Variants in SRRM3 observed in about 807,000 individuals in gnomAD.
SRRM3 encodes serine/arginine repetitive matrix protein 3.
Under a neutral mutation model 66.2 loss-of-function variants are expected in SRRM3, and 27 were observed. The observed-to-expected ratio is 0.41, with a 90% CI of 0.30 to 0.56. The LOEUF (loss-of-function observed/expected upper bound fraction) is 0.56, where lower values mean the gene tolerates loss of function less well. Among genes scored for constraint, SRRM3 ranks in the 20% least tolerant of loss-of-function variants. The pLI is 0.32. For synonymous variants in SRRM3, 391 were observed against 414.9 expected (o/e 0.94, Z 0.70); for missense variants, 918 against 991.9 (o/e 0.93, Z 1.00).
chr7:76,259,969 C>G lies in SRRM3; in HGVS notation c.399C>G (p.Asp133Glu), dbSNP rs1801811566. The change falls in exon 4 of 15, where the codon GAC becomes GAG. Residue 133 changes from aspartate (D) to glutamate (E), a missense_variant. Coordinates refer to ENST00000611745, the MANE Select transcript of SRRM3 (RefSeq NM_001110199.3). ...CGGGCCTGGAGTACGCGCCCTTTGACGATGACGACGGCCCAGTGGACTGTG... is the reference window on the plus strand; with the variant it reads ...CGGGCCTGGAGTACGCGCCCTTTGAGGATGACGACGGCCCAGTGGACTGTG... ...AEPGLEYAPF[D>E]DDDGPVDCDC... The G allele has an allele frequency of 1.2e-6, 2 of 1,600,736 alleles. No individual in the cohort carries two copies. Among genetic ancestry groups the G allele is most frequent in the Admixed American group, 1.7e-5 (1 of 59,854 alleles).
At chr7:76,274,186 G>A (rs560620652) in intron 11 of SRRM3, among the ~76,000 whole-genome samples, 1 of 152,358 alleles carries the variant, frequency 6.6e-6, no homozygotes, top group Admixed American at 6.5e-5. Context: ...GATCCTGGAG[G>A]AAGTTCTGGC....
intron 1 of SRRM3, among the ~76,000 whole-genome samples, chr7:76,223,052 C>CCTCCTAGCTATG (rs1374737406): frequency 9.9e-5 from 15 of 152,188 alleles, no homozygotes; most frequent in Non-Finnish European, 1.8e-4. Flanking sequence ...TCCAGGGAGA[C>CCTCCTAGCTATG]CTCCTAGCTA....
chr7:76,254,999 G>A (rs1425144529), intron 3 of SRRM3, among the ~76,000 whole-genome samples: 1 of 152,090 alleles, frequency 6.6e-6, no homozygotes, highest in Admixed American at 6.6e-5. Flanking sequence ...ACCTCGCTAC[G>A]TGCTGTGTGA....
Position 76,281,792 on chromosome 7 carries a change from C to T in SRRM3, c.1360C>T (p.His454Tyr). 1 of 1,383,916 alleles carries T rather than the reference C, an allele frequency of 7.2e-7. No homozygotes were observed. Among genetic ancestry groups the T allele is most frequent in the Non-Finnish European group, 9.3e-7 (1 of 1,069,732 alleles). The allele number at this position is 1,383,916 out of a possible 1,614,324, so 85.7% of individuals were successfully genotyped here. ...EPGSERGHGG[H>Y]GKRAKERPPR... The stretch of plus-strand genomic sequence containing the variant: ...CGGCTCTGAGCGAGGCCACGGCGGA[C>T]ACGGGAAACGGTGAGCGTGCTGGAC... Residue 454 changes from histidine to tyrosine, a missense_variant, in exon 12 of 15, where the codon CAC becomes TAC. Transcript: ENST00000611745.
chr7:76,207,757 G>A (rs1800336259), intron 1 of SRRM3, among the ~76,000 whole-genome samples: 1 of 152,046 alleles, frequency 6.6e-6, no homozygotes, highest in South Asian at 2.1e-4. Context: ...CACGCATGTA[G>A]CCCCAGCTAC....
At chr7:76,202,587 G>A (rs1277585452) in intron 1 of SRRM3, among the ~76,000 whole-genome samples, 2 of 152,182 alleles carry the variant, frequency 1.3e-5, no homozygotes, top group Admixed American at 6.5e-5. Flanking sequence ...GGGTCTCACA[G>A]GATGGCATTT....
At chr7:76,269,350 G>C (rs1359563236) in intron 11 of SRRM3, 1 of 152,164 alleles carries the variant, frequency 6.6e-6, no homozygotes, top group African/African-American at 2.4e-5. Flanking sequence ...AGCATCCCGG[G>C]TCTCAAACCT....
chr7:76,211,816 CTATTATTATTATTATTAT>C (rs60646233), intron 1 of SRRM3, among the ~76,000 whole-genome samples: 3 of 140,644 alleles, frequency 2.1e-5, no homozygotes, highest in African/African-American at 5.2e-5. Context: ...ACTATTACTA[CTATTATTATTATTATTAT>C]TATTATTATT....
chr7:76,280,116 T>TAAAA (rs567656342), intron 11 of SRRM3, among the ~76,000 whole-genome samples: 2 of 118,406 alleles, frequency 1.7e-5, no homozygotes, highest in African/African-American at 3.1e-5. Flanking sequence ...AATCAGAACT[T>TAAAA]AAAAAAAAAA....
intron 5 of SRRM3, 150 bp from the exon 6 acceptor site, chr7:76,260,724 C>T (rs1198454338): frequency 7.0e-6 from 5 of 716,404 alleles, no homozygotes; most frequent in African/African-American, 1.8e-5. Flanking sequence ...AACACTAGTG[C>T]GAGTGGCCCT....
chr7:76,260,197 G>T lies in SRRM3; in HGVS notation c.545G>T (p.Arg182Leu). The change falls in exon 5 of 15, where the codon CGC becomes CTC. Residue 182 changes from arginine to leucine, a missense_variant and splice_region_variant. By Grantham distance (102) the Arg-to-Leu change is moderately radical. Transcript: ENST00000611745. ...KKKKGGHRRSRKKRRLESECS... is the reference protein window; with the variant it reads ...KKKKGGHRRSLKKRRLESECS... ...AAGAAAGGCGGCCACCGGAGAAGCCGGTGAGAACCGCGCCTGACCGGAGCG... is the reference window on the plus strand; with the variant it reads ...AAGAAAGGCGGCCACCGGAGAAGCCTGTGAGAACCGCGCCTGACCGGAGCG... 6.5e-7 allele frequency: 1 copy of T among 1,536,352 alleles called. No homozygotes were observed. The highest frequency in any genetic ancestry group is 8.7e-7 in the Non-Finnish European group (1 of 1,142,914).
rs782523165 is a variant in SRRM3, at chr7:76,267,370, G to A, written c.943G>A (p.Gly315Ser). 2 of 1,460,434 alleles carry A rather than the reference G, an allele frequency of 1.4e-6. No homozygotes were observed. The highest frequency in any genetic ancestry group is 2.8e-5 in the South Asian group (2 of 72,546). The allele number at this position is 1,460,434 out of a possible 1,614,324, so 90.5% of individuals were successfully genotyped here. A position where few individuals can be genotyped will look rare whatever the true frequency, so the allele number is the denominator to read the frequency against. Residue 315 changes from glycine (G) to serine (S), a missense_variant, in exon 11 of 15, where the codon GGC (glycine) becomes AGC (serine). Transcript: ENST00000611745. ...GSGWGSPQRNGGSGQRSGAHG... is the reference protein window; with the variant it reads ...GSGWGSPQRNSGSGQRSGAHG... Reference sequence around the variant, plus strand: ...CGGATGGGGGTCGCCCCAGCGGAACGGCGGCAGCGGGCAGCGGAGCGGAGC... The same window carrying A: ...CGGATGGGGGTCGCCCCAGCGGAACAGCGGCAGCGGGCAGCGGAGCGGAGC...
At position 76,285,972 on chromosome 7, in the gene SRRM3, A is replaced by G; in HGVS notation, c.*129A>G. ...TACAAAGAGGTCTCAGGGCCAGTGCACGGGCAGATGGGACCGGGGAAGACT... is the reference window on the plus strand; with the variant it reads ...TACAAAGAGGTCTCAGGGCCAGTGCGCGGGCAGATGGGACCGGGGAAGACT... On this transcript the variant is annotated 3_prime_UTR_variant, in exon 15 of 15. Coordinates refer to ENST00000611745, the MANE Select transcript of SRRM3 (RefSeq NM_001110199.3). The surrounding 1 kb of genome is among the most constrained non-coding windows in gnomAD (Gnocchi z 4.1). 1 of 1,022,354 alleles carries G rather than the reference A, an allele frequency of 9.8e-7. No homozygotes were observed. Among genetic ancestry groups the G allele is most frequent in the Non-Finnish European group, 1.4e-6 (1 of 706,926 alleles). 63.3% of individuals were successfully genotyped at this position (1,022,354 alleles called of 1,614,324 possible).
At chr7:76,210,359 T>G (rs1378931964) in intron 1 of SRRM3, among the ~76,000 whole-genome samples, 1 of 152,206 alleles carries the variant, frequency 6.6e-6, no homozygotes, top group African/African-American at 2.4e-5. Context: ...CTTCCCTCTC[T>G]GTCAGGCCCT....
At chr7:76,216,863 G>A (rs1477992915) in intron 1 of SRRM3, among the ~76,000 whole-genome samples, 1 of 152,210 alleles carries the variant, frequency 6.6e-6, no homozygotes, top group Non-Finnish European at 1.5e-5. Flanking sequence ...GGATCGATGG[G>A]AAAGTCAGTG....
intron 2 of SRRM3, 80 bp downstream of exon 2, chr7:76,235,379 GC>G: frequency 7.7e-7 from 1 of 1,293,364 alleles, no homozygotes; most frequent in Non-Finnish European, 1.0e-6. Flanking sequence ...CTGCACGTGG[GC>G]GTGGCGAACG....
chr7:76,244,194 T>G (rs573805704), intron 2 of SRRM3, among the ~76,000 whole-genome samples: 3 of 152,102 alleles, frequency 2.0e-5, no homozygotes, highest in African/African-American at 7.2e-5. Flanking sequence ...CCACACAGAC[T>G]CCGACCCTAG....
At chr7:76,239,084 G>A (rs1801218652) in intron 2 of SRRM3, among the ~76,000 whole-genome samples, 1 of 152,106 alleles carries the variant, frequency 6.6e-6, no homozygotes, top group Admixed American at 6.6e-5. Flanking sequence ...CCAGGCTGGA[G>A]TGAAATGGCA....
intron 1 of SRRM3, among the ~76,000 whole-genome samples, chr7:76,202,932 C>T (rs1800194219): frequency 6.6e-6 from 1 of 152,178 alleles, no homozygotes; most frequent in Non-Finnish European, 1.5e-5. Context: ...TGACGTGGTA[C>T]TTCAATGCCT....
Sources: allele counts gnomAD v4.1 joint callset (sites outside exome capture counted in the v4.1 genomes callset), GRCh38; gene constraint gnomAD v4.1.1; non-coding constraint Gnocchi (gnomAD v3.1); transcripts MANE v1.5; gene names NCBI Gene and HGNC (gene_info 2026-07-23, HGNC 2026-07-21).